STK31: variants seen among roughly 807,000 people sequenced by gnomAD.
STK31 encodes serine/threonine-protein kinase 31.
In STK31, 89 loss-of-function variants were observed where a neutral mutation model predicts 129.7. The observed-to-expected ratio is 0.69, with a 90% CI of 0.58 to 0.82. STK31 has a LOEUF of 0.82. STK31 is among the 40% of genes least tolerant of loss of function. STK31 has a pLI of 0.00. For synonymous variants in STK31, 448 were observed against 395.3 expected (o/e 1.13, Z -1.58); for missense variants, 1,187 against 1,176.4 (o/e 1.01, Z -0.13).
intron 8 of STK31, among the ~76,000 whole-genome samples, chr7:23,741,677 C>G (rs768746407): frequency 2.0e-5 from 3 of 152,192 alleles, no homozygotes; most frequent in Non-Finnish European, 2.9e-5. Flanking sequence ...AACAATGTCT[C>G]TAAACTCTCA....
chr7:23,800,680 T>A (rs967584116), intron 22 of STK31, among the ~76,000 whole-genome samples: 1 of 152,062 alleles, frequency 6.6e-6, no homozygotes. Context: ...CAAACCACCA[T>A]GGCACATGTA....
intron 11 of STK31, among the ~76,000 whole-genome samples, chr7:23,764,015 C>T (rs1789651108): frequency 6.6e-6 from 1 of 152,140 alleles, no homozygotes; most frequent in Non-Finnish European, 1.5e-5. Flanking sequence ...TATTCAGGGA[C>T]ATCTGGGCAT....
rs769846275 is a variant in STK31 at position 23,769,664 on chromosome 7, T to A, written c.1621T>A (p.Ser541Thr). The A allele has an allele frequency of 6.2e-7, 1 of 1,611,202 alleles. No individual in the cohort carries two copies. Among genetic ancestry groups the A allele is most frequent in the Non-Finnish European group, 8.5e-7 (1 of 1,178,412 alleles). The change falls in exon 13 of 24, where the codon TCA becomes ACA. Residue 541 changes from serine to threonine, a missense_variant. Physicochemically the swap from Ser to Thr is moderately conservative, Grantham distance 58. Transcript: ENST00000355870. The stretch of plus-strand genomic sequence containing the variant: ...GGTTTTTGACCTATCTGTGGAAGGA[T>A]CACTGATTTCAGAAGACGCAATGGA... ...LKVFDLSVEG[S>T]LISEDAMDNI...
chr7:23,727,346 C>G, intron 5 of STK31, 31 bp downstream of exon 5: 1 of 1,592,552 alleles, frequency 6.3e-7, no homozygotes, highest in East Asian at 2.2e-5. Context: ...TTTTTTTTTG[C>G]TTTAAGAAAT....
intron 4 of STK31, among the ~76,000 whole-genome samples, chr7:23,719,435 A>C (rs1786550354): frequency 6.6e-6 from 1 of 152,132 alleles, no homozygotes; most frequent in South Asian, 2.1e-4. Context: ...CCAAAAAAAA[A>C]GTGGGGGAAA....
intron 1 of STK31, chr7:23,710,864 A>T: frequency 4.4e-6 from 4 of 899,248 alleles, no homozygotes; most frequent in Non-Finnish European, 5.3e-6. Context: ...ACTTTTACTG[A>T]ATTTAAGCCT....
At chr7:23,715,576 C>T (rs953052373) in intron 3 of STK31, among the ~76,000 whole-genome samples, 21 of 137,972 alleles carry the variant, frequency 1.5e-4, no homozygotes, top group African/African-American at 4.3e-4. Context: ...GCTGAGATTG[C>T]ACCAAACAAA....
intron 22 of STK31, 44 bp downstream of exon 22, chr7:23,790,990 T>G: frequency 7.4e-7 from 1 of 1,344,764 alleles, no homozygotes; most frequent in South Asian, 1.9e-5. Context: ...TATATATATT[T>G]CAGTATATAA....
chr7:23,822,963 A>C (rs564061087), intron 23 of STK31, among the ~76,000 whole-genome samples: 20 of 152,270 alleles, frequency 1.3e-4, no homozygotes, highest in South Asian at 4.1e-4. Context: ...TCCATGGTGT[A>C]TATGTGCCAC....
intron 12 of STK31, 45 bp downstream of exon 12, chr7:23,769,219 G>A: frequency 6.9e-7 from 1 of 1,451,322 alleles, no homozygotes; most frequent in African/African-American, 1.4e-5. Flanking sequence ...ATAAACCAGG[G>A]AATATATATT....
chr7:23,749,531 T>TG (rs138533739), intron 8 of STK31, among the ~76,000 whole-genome samples: 3 of 145,198 alleles, frequency 2.1e-5, no homozygotes, highest in African/African-American at 7.6e-5. Flanking sequence ...TTTTTTTTTT[T>TG]GGGGGTAGAG....
At chr7:23,748,753 A>G (rs540681158) in intron 8 of STK31, among the ~76,000 whole-genome samples, 66 of 152,340 alleles carry the variant, frequency 4.3e-4, no homozygotes, top group Middle Eastern at 3.4e-3. Flanking sequence ...AATACAGTAT[A>G]TAATACATAT....
chr7:23,829,923 T>C (rs567649535), intron 23 of STK31, among the ~76,000 whole-genome samples: 9 of 152,212 alleles, frequency 5.9e-5, no homozygotes, highest in African/African-American at 9.6e-5. Context: ...TGTATAGTTA[T>C]TCATAATAGT....
chr7:23,785,085 C>T (rs1195813375), intron 17 of STK31, among the ~76,000 whole-genome samples: 21 of 152,186 alleles, frequency 1.4e-4, no homozygotes, highest in Admixed American at 1.4e-3. Context: ...CACCCATCAC[C>T]TGAGTGGTGT....
intron 8 of STK31, among the ~76,000 whole-genome samples, chr7:23,741,250 C>T (rs1481320746): frequency 1.3e-5 from 2 of 152,106 alleles, no homozygotes; most frequent in African/African-American, 2.4e-5. Context: ...GTTATTTCTC[C>T]AAGCTATAGT....
chr7:23,800,011 A>T (rs911191995), intron 22 of STK31, among the ~76,000 whole-genome samples: 1 of 152,228 alleles, frequency 6.6e-6, no homozygotes, highest in African/African-American at 2.4e-5. Context: ...CATTAGAGAA[A>T]TGTAAATCAA....
chr7:23,736,533 T>G (rs1584354885), intron 7 of STK31, among the ~76,000 whole-genome samples: 2 of 17,822 alleles, frequency 1.1e-4, no homozygotes, highest in African/African-American at 2.1e-4. Flanking sequence ...CAAATGGGGG[T>G]GGGAGGCGGT....
chr7:23,724,629 A>T (rs1786946512), intron 4 of STK31, among the ~76,000 whole-genome samples: 1 of 152,212 alleles, frequency 6.6e-6, no homozygotes. Flanking sequence ...TTAATTAAAG[A>T]TGATGCAGTC....
chr7:23,831,936 C>A (rs1187864086), intron 23 of STK31, among the ~76,000 whole-genome samples, 200 bp from the exon 24 acceptor site: 2 of 152,110 alleles, frequency 1.3e-5, no homozygotes, highest in African/African-American at 4.8e-5. Flanking sequence ...TGTGCCCAGC[C>A]AGATGATCTA....
Sources: gnomAD v4.1 joint callset for allele counts (sites outside exome capture counted in the v4.1 genomes callset) on GRCh38, gnomAD v4.1.1 for gene constraint, MANE v1.5 for transcripts, NCBI Gene and HGNC (gene_info 2026-07-23, HGNC 2026-07-21) for gene names.